The following DOCK8 variants were observed in gnomAD, a reference collection of about 807,000 sequenced individuals.
DOCK8 encodes the protein dedicator of cytokinesis 8, also known as dedicator of cytokinesis protein 8.
A neutral mutation model predicts 245.6 loss-of-function variants in DOCK8; 141 were observed. The ratio of observed to expected loss-of-function variants is 0.57; its 90% CI spans 0.50 to 0.66. The LOEUF (loss-of-function observed/expected upper bound fraction) is 0.66. DOCK8 is among the 30% of genes least tolerant of loss of function. The pLI, the probability that DOCK8 is intolerant of heterozygous loss-of-function variation, is 0.00. For missense variants in DOCK8, 2,965 were observed against 2,603.4 expected (o/e 1.14, Z -3.02); for synonymous variants, 1,168 against 970.2 (o/e 1.20, Z -3.79).
chr9:350,671 A>C (rs936501220), intron 14 of DOCK8, among the ~76,000 whole-genome samples: 4 of 152,226 alleles, frequency 2.6e-5, no homozygotes, highest in African/African-American at 9.6e-5. Context: ...ACATCAAATT[A>C]GTGGTTTGTC....
At chr9:279,191 A>G (rs111605861) in intron 2 of DOCK8, among the ~76,000 whole-genome samples, 282 of 152,336 alleles carry the variant, frequency 1.9e-3, no homozygotes, top group Admixed American at 3.3e-3. Flanking sequence ...TGCCACTTGC[A>G]GAAGTGTGGA....
chr9:265,237 C>T (rs74834342), intron 1 of DOCK8, among the ~76,000 whole-genome samples: 19,924 of 127,446 alleles, frequency 0.16, 1,641 homozygotes, highest in East Asian at 0.47. Context: ...CGGCCTAAAC[C>T]TTGATTTTTA....
At chr9:231,878 A>G (rs1037992919) in intron 1 of DOCK8, among the ~76,000 whole-genome samples, 6 of 152,156 alleles carry the variant, frequency 3.9e-5, no homozygotes, top group East Asian at 1.9e-4. Context: ...TCCTAATTGA[A>G]TACCCTTTAT....
At chr9:431,056 G>A (rs1192203243) in intron 36 of DOCK8, among the ~76,000 whole-genome samples, 2 of 151,312 alleles carry the variant, frequency 1.3e-5, no homozygotes, top group Non-Finnish European at 2.9e-5. Context: ...TTGCATTTTT[G>A]TTGAGACAGG....
chr9:277,683 T>G (rs1317758152), intron 2 of DOCK8, among the ~76,000 whole-genome samples: 3 of 152,116 alleles, frequency 2.0e-5, no homozygotes, highest in Non-Finnish European at 4.4e-5. Context: ...AAATCCTATT[T>G]TTAAAAGTGA....
At position 382,495 on chromosome 9, in the gene DOCK8, C is replaced by T. The variant is rs761813553; in HGVS notation, c.2606-18C>T. 12 of 1,613,306 alleles carry T rather than the reference C, an allele frequency of 7.4e-6. 1 individual carries two copies. In the South Asian group the frequency reaches 1.3e-4, roughly 18 times the overall value. The stretch of plus-strand genomic sequence containing the variant: ...TGTTCCCCTGTCTGTTGACATGTCT[C>T]TGCCTGGTGGGGTGCAGGCGCTCCC... On this transcript the variant is annotated intron_variant, in intron 21 of 47. Coordinates refer to ENST00000432829, the MANE Select transcript of DOCK8 (RefSeq NM_203447.4).
chr9:291,135 A>T (rs553080393), intron 4 of DOCK8, among the ~76,000 whole-genome samples: 17 of 152,182 alleles, frequency 1.1e-4, no homozygotes, highest in Non-Finnish European at 1.8e-4. Context: ...GACATTAAAG[A>T]TCTAAAAAAA....
chr9:251,403 T>C (rs2047642141), intron 1 of DOCK8, among the ~76,000 whole-genome samples: 1 of 152,218 alleles, frequency 6.6e-6, no homozygotes, highest in East Asian at 1.9e-4. Flanking sequence ...AAAGGATTAA[T>C]GATATTGGAG....
rs771651682 is a variant in DOCK8 at position 441,320 on chromosome 9, A to G, written c.5258A>G (p.Lys1753Arg). 7 of 1,614,082 alleles carry G rather than the reference A, an allele frequency of 4.3e-6. No homozygotes were observed. In the East Asian group the frequency reaches 1.1e-4, roughly 26 times the overall value. The change falls in exon 41 of 48, where the codon AAG (lysine) becomes AGG (arginine). Residue 1753 changes from lysine to arginine, a missense_variant. By Grantham distance (26) the Lys-to-Arg change is conservative. Around this residue, in one of 3 missense-constraint regions of DOCK8, gnomAD observed 2,825 missense variants for 2,453.5 expected, o/e 1.15. Transcript: ENST00000432829. ...TATGAGACAGTTAATGAGGTCTACA[A>G]GCTGGTCATCCCCATCCTAGAAGCG... The part of the protein sequence containing the change: ...GLYETVNEVY[K>R]LVIPILEAHR...
chr9:237,392 C>T lies in DOCK8; in HGVS notation c.53+22363C>T, dbSNP rs151118759. Among the ~76,000 whole-genome samples the T allele has an allele frequency of 3.0e-3, 451 of 152,348 alleles. 3 individuals carry two copies. Among genetic ancestry groups the T allele is most frequent in the African/African-American group, 0.01 (430 of 41,580 alleles). On this transcript the variant is annotated intron_variant, in intron 1 of 47. Coordinates refer to ENST00000432829, the MANE Select transcript of DOCK8 (RefSeq NM_203447.4). ...TGCAAGGGCTGGGTGCTGTGGCTTA[C>T]GCCTGTAATCCCAGCACTTTGGGAG... is the stretch of plus-strand genomic sequence containing the variant.
intron 44 of DOCK8, among the ~76,000 whole-genome samples, chr9:447,761 A>G (rs10758618): frequency 0.7 from 106,931 of 152,104 alleles, 38,898 homozygotes; most frequent in East Asian, 0.99. Flanking sequence ...TATATACCTC[A>G]TCAGGCAGAA....
intron 29 of DOCK8, among the ~76,000 whole-genome samples, chr9:415,447 C>T (rs2055950504): frequency 6.6e-6 from 1 of 152,012 alleles, no homozygotes; most frequent in Non-Finnish European, 1.5e-5. Flanking sequence ...AAATATTGCC[C>T]TTGGCACTAA....
At chr9:277,009 A>T (rs921682399) in intron 2 of DOCK8, 11 of 330,776 alleles carry the variant, frequency 3.3e-5, no homozygotes, top group African/African-American at 2.4e-4. Context: ...GAGTTTCTCC[A>T]TGTTGTCCAG....
chr9:323,897 C>G (rs2130793774), intron 7 of DOCK8, among the ~76,000 whole-genome samples: 1 of 152,278 alleles, frequency 6.6e-6, no homozygotes, highest in East Asian at 1.9e-4. Flanking sequence ...TTTGTTATGG[C>G]CTCATATATG....
At chr9:427,031 C>G in intron 34 of DOCK8, 50 bp downstream of exon 34, 1 of 1,501,698 alleles carries the variant, frequency 6.7e-7, no homozygotes, top group Non-Finnish European at 9.2e-7. Context: ...AATATGTTTA[C>G]TAGAATAAGG....
At chr9:304,847 T>TC (rs1422531311) in intron 5 of DOCK8, 143 bp downstream of exon 5, 1 of 1,205,634 alleles carries the variant, frequency 8.3e-7, no homozygotes, top group African/African-American at 1.5e-5. Flanking sequence ...CAGTGATTTT[T>TC]TTTTTCAAAC....
chr9:353,410 G>A (rs549004785), intron 14 of DOCK8, among the ~76,000 whole-genome samples: 1 of 152,296 alleles, frequency 6.6e-6, no homozygotes, highest in African/African-American at 2.4e-5. Flanking sequence ...GCATTTTAAT[G>A]AAGATTATTG....
At chr9:402,354 G>T (rs1332358607) in intron 26 of DOCK8, among the ~76,000 whole-genome samples, 2 of 152,078 alleles carry the variant, frequency 1.3e-5, no homozygotes, top group Non-Finnish European at 1.5e-5. Flanking sequence ...TGATTCCTGG[G>T]ACACCATTAA....
At chr9:334,576 C>T (rs981553239) in intron 11 of DOCK8, among the ~76,000 whole-genome samples, 192 bp downstream of exon 11, 9 of 152,114 alleles carry the variant, frequency 5.9e-5, no homozygotes, top group Admixed American at 3.3e-4. Context: ...GAAATTATCA[C>T]GAACATTGGT....
Sources: allele counts gnomAD v4.1 joint callset (sites outside exome capture counted in the v4.1 genomes callset), GRCh38; gene constraint gnomAD v4.1.1; regional missense constraint gnomAD v4.1.1; transcripts MANE v1.5; gene names NCBI Gene and HGNC (gene_info 2026-07-23, HGNC 2026-07-21).